Variants in DDR1 observed in about 807,000 individuals in gnomAD.
DDR1 encodes discoidin domain receptor tyrosine kinase 1.
A neutral mutation model predicts 97.4 loss-of-function variants in DDR1; 64 were observed. The ratio of observed to expected loss-of-function variants is 0.66; its 90% CI spans 0.54 to 0.81. DDR1 has a LOEUF of 0.81. Ranked by LOEUF, DDR1 falls within the 30% of genes least tolerant of loss-of-function variation. The pLI, the probability that DDR1 is intolerant of heterozygous loss-of-function variation, is 0.00. For missense variants in DDR1, 990 were observed against 1,259.6 expected (o/e 0.79, Z 3.24); for synonymous variants, 458 against 503.7 (o/e 0.91, Z 1.21).
In DDR1 at chr6:30,899,943, A is replaced by G. The variant is rs544539891; in HGVS notation, c.*647A>G. On this transcript the variant is annotated 3_prime_UTR_variant, in exon 18 of 18. Coordinates refer to ENST00000376568, the MANE Select transcript of DDR1 (RefSeq NM_001297654.2). ...GCCTATACGTTTCTGTGGAGTAAAT[A>G]TTGGGATTGGGGGGAAAGAGGGAGC... The G allele has an allele frequency of 1.3e-5, 7 of 545,940 alleles. No homozygotes were observed. Among genetic ancestry groups the G allele is most frequent in the South Asian group, 7.8e-5 (5 of 64,050 alleles). 33.8% of individuals were successfully genotyped at this position (545,940 alleles called of 1,614,324 possible).
rs555304601 is a variant in DDR1 at position 30,894,050 on chromosome 6, G to C, written c.1348-456G>C. ...GGATCACCTGAGGTCAAGAGTTCGA[G>C]ACCAGCCTGACCAACATGGTGAAAT... On this transcript the variant is annotated intron_variant, in intron 10 of 17. Coordinates refer to ENST00000376568, the MANE Select transcript of DDR1 (RefSeq NM_001297654.2). This position sits in a 1 kb window ranked among gnomAD's most constrained non-coding sequence, Gnocchi z 5.7. 3.9e-5 allele frequency among the ~76,000 whole-genome samples: 6 copies of C among 152,228 alleles called. No individual in the cohort carries two copies. The South Asian group carries it at 1.0e-3, about 26-fold the overall frequency.
In DDR1 at chr6:30,899,582, T is replaced by G; in HGVS notation, c.*286T>G. ...GATCCTCTCCACCCTCCTCTAGCCA[T>G]CCCTTGGGGAAGGGTGGGGAGAAAT... On this transcript the variant is annotated 3_prime_UTR_variant, in exon 18 of 18. Transcript: ENST00000376568. 2.0e-6 allele frequency: 1 copy of G among 508,608 alleles called. No homozygotes were observed. The highest frequency in any genetic ancestry group is 3.0e-5 in the South Asian group (1 of 32,860). 31.5% of individuals were successfully genotyped at this position (508,608 alleles called of 1,614,324 possible).
rs1458033305 is a variant in DDR1 at position 30,891,715 on chromosome 6, AT to A, written c.665+238del. Among the ~76,000 whole-genome samples the A allele has an allele frequency of 6.6e-6, 1 of 152,120 alleles. No homozygotes were observed. Among genetic ancestry groups the A allele is most frequent in the Non-Finnish European group, 1.5e-5 (1 of 68,026 alleles). ...AAAAGGCACCCCTTTGCTAACACAC[AT>A]TGTTGGAAATTGCTGCAATAAATAT... On this transcript the variant is annotated intron_variant, in intron 6 of 17. Coordinates refer to ENST00000376568, the MANE Select transcript of DDR1 (RefSeq NM_001297654.2). The surrounding 1 kb of genome is among the most constrained non-coding windows in gnomAD (Gnocchi z 5.3).
Position 30,899,301 on chromosome 6 carries a change from C to A in DDR1, c.*5C>A, listed in dbSNP as rs1427871866. ...GATGCACTCAACACGGTGTGAATCA[C>A]ACATCCAGCTGCCCCTCCCTCAGGG... On this transcript the variant is annotated 3_prime_UTR_variant, in exon 18 of 18. Coordinates refer to ENST00000376568, the MANE Select transcript of DDR1 (RefSeq NM_001297654.2). The A allele has an allele frequency of 6.2e-7, 1 of 1,602,830 alleles. No individual in the cohort carries two copies. The highest frequency in any genetic ancestry group is 8.5e-7 in the Non-Finnish European group (1 of 1,171,962).
At chr6:30,887,041 T>G (rs1337055564) in intron 1 of DDR1, 3 of 152,218 alleles carry the variant, frequency 2.0e-5, no homozygotes, top group Non-Finnish European at 4.4e-5. Context: ...AGCCTGAGAT[T>G]CTGATTTCTT....
In DDR1 at chr6:30,897,078, G is replaced by T; in HGVS notation, c.1934G>T (p.Arg645Leu). 6 of 1,613,842 alleles carry T rather than the reference G, an allele frequency of 3.7e-6. No homozygotes were observed. The highest frequency in any genetic ancestry group is 5.1e-6 in the Non-Finnish European group (6 of 1,179,896). Residue 645 changes from arginine (R) to leucine (L), a missense_variant, in exon 14 of 18, where the codon CGT (arginine) becomes CTT (leucine). Physicochemically the swap from Arg to Leu is moderately radical, Grantham distance 102. Transcript: ENST00000376568. The surrounding 1 kb of genome is among the most constrained non-coding windows in gnomAD (Gnocchi z 5.2). ...LVSLDFPLNV[R>L]KGHPLLVAVK... ...AGTCTTGATTTCCCCCTTAATGTGC[G>T]TAAGGGACACCCTTTGCTGGTAGCT... is the stretch of plus-strand genomic sequence containing the variant.
In DDR1 at chr6:30,897,087, A is replaced by G; in HGVS notation, c.1943A>G (p.His648Arg). 1.2e-6 allele frequency: 2 copies of G among 1,613,698 alleles called. No individual in the cohort carries two copies. The highest frequency in any genetic ancestry group is 1.7e-6 in the Non-Finnish European group (2 of 1,179,878). ...LDFPLNVRKG[H>R]PLLVAVKILR... ...TTCCCCCTTAATGTGCGTAAGGGACACCCTTTGCTGGTAGCTGTCAAGATC... is the reference window on the plus strand; with the variant it reads ...TTCCCCCTTAATGTGCGTAAGGGACGCCCTTTGCTGGTAGCTGTCAAGATC... Residue 648 changes from histidine (H) to arginine (R), a missense_variant, in exon 14 of 18, where the codon CAC (histidine) becomes CGC (arginine). By Grantham distance (29) the His-to-Arg change is conservative. Transcript: ENST00000376568. The surrounding 1 kb of genome is among the most constrained non-coding windows in gnomAD (Gnocchi z 5.2).
chr6:30,894,669 C>A lies in DDR1; in HGVS notation c.1511C>A (p.Ser504Tyr). Residue 504 changes from serine (S) to tyrosine (Y), a missense_variant and splice_region_variant, in exon 11 of 18, where the codon TCT (serine) becomes TAT (tyrosine). Physicochemically the swap from Ser to Tyr is moderately radical, Grantham distance 144. Transcript: ENST00000376568. The surrounding 1 kb of genome is among the most constrained non-coding windows in gnomAD (Gnocchi z 5.7). ...TCCGCTCCCTGTGTCCCCAATGGCT[C>A]TGGTAAGACCTGCCTTGTTCCAGTC... ...PHSAPCVPNG[S>Y]ALLLSNPAYR... 2 of 1,598,634 alleles carry A rather than the reference C, an allele frequency of 1.3e-6. No homozygotes were observed. Among genetic ancestry groups the A allele is most frequent in the Non-Finnish European group, 1.7e-6 (2 of 1,171,628 alleles).
chr6:30,895,007 C>T (rs114128764), intron 11 of DDR1, among the ~76,000 whole-genome samples: 3,278 of 152,218 alleles, frequency 0.022, 84 homozygotes, highest in African/African-American at 0.062. Context: ...CATCACCCAT[C>T]CTTCCATCCA....
At chr6:30,885,150 A>T in intron 1 of DDR1, 2 of 1,499,966 alleles carry the variant, frequency 1.3e-6, no homozygotes, top group South Asian at 2.4e-5. Context: ...AAAAAGAGGG[A>T]CTGCCACTCT....
At chr6:30,885,330 G>T (rs1356449848) in intron 1 of DDR1, 3 of 1,422,290 alleles carry the variant, frequency 2.1e-6, no homozygotes, top group African/African-American at 1.4e-5. Context: ...GCCCAAGCTC[G>T]CTGGCTGTTG....
In DDR1 at chr6:30,891,567, G is replaced by A. The variant is rs1264321; in HGVS notation, c.665+88G>A. On this transcript the variant is annotated intron_variant, in intron 6 of 17. Coordinates refer to ENST00000376568, the MANE Select transcript of DDR1 (RefSeq NM_001297654.2). The surrounding 1 kb of genome is among the most constrained non-coding windows in gnomAD (Gnocchi z 5.3). The stretch of plus-strand genomic sequence containing the variant: ...TGTGTGTGTGTGTGTGAGAGTGTGT[G>A]TGTGTAGGGGGGCTGGTAAGTAGGG... The A allele has an allele frequency of 0.092, 85,513 of 926,850 alleles. 6,582 individuals carry two copies. The highest frequency in any genetic ancestry group is 0.13 in the Non-Finnish European group (74,858 of 598,338). The allele number at this position is 926,850 out of a possible 1,614,324, so 57.4% of individuals were successfully genotyped here.
chr6:30,891,050 CT>C lies in DDR1; in HGVS notation c.497del (p.Phe166SerfsTer9). The C allele has an allele frequency of 6.2e-7, 1 of 1,613,072 alleles. No individual in the cohort carries two copies. The highest frequency in any genetic ancestry group is 8.5e-7 in the Non-Finnish European group (1 of 1,180,028). On this transcript the variant is annotated frameshift_variant, in exon 5 of 18. Transcript: ENST00000376568. LOFTEE classifies it high-confidence loss of function. The surrounding 1 kb of genome is among the most constrained non-coding windows in gnomAD (Gnocchi z 5.3). ...CCCCCATGGTTGCCCGACTGGTTCG[CT>C]TCTACCCCCGGGCTGACCGGGTCAT... ...GPPMVARLVR[F>X]YPRADRVMSV...
rs750017220 is a variant in DDR1, at chr6:30,890,911, GGGT to G, written c.418-59_418-57del. ...TGGGCTGGGCCAGGGAGCAGCTGGT[GGGT>G]GGGAAGTAAGATCTGACCTGGACTC... On this transcript the variant is annotated intron_variant, in intron 4 of 17. Transcript: ENST00000376568. The surrounding 1 kb of genome is among the most constrained non-coding windows in gnomAD (Gnocchi z 5.0). 13 of 1,517,402 alleles carry G rather than the reference GGGT, an allele frequency of 8.6e-6. 1 individual carries two copies. The South Asian group carries it at 1.6e-4, about 18-fold the overall frequency. 94.0% of individuals were successfully genotyped at this position (1,517,402 alleles called of 1,614,324 possible).
chr6:30,897,324 G>A lies in DDR1; in HGVS notation c.1998-55G>A, dbSNP rs1305405757. Reference sequence around the variant, plus strand: ...TGGGGCAGGGGGGTGGGGGCGCGGGGGAAGGTGCAGGCCGCCCACTCGGCA... The same window carrying A: ...TGGGGCAGGGGGGTGGGGGCGCGGGAGAAGGTGCAGGCCGCCCACTCGGCA... On this transcript the variant is annotated intron_variant, in intron 14 of 17. Coordinates refer to ENST00000376568, the MANE Select transcript of DDR1 (RefSeq NM_001297654.2). The surrounding 1 kb of genome is among the most constrained non-coding windows in gnomAD (Gnocchi z 5.2). 43 of 1,558,108 alleles carry A rather than the reference G, an allele frequency of 2.8e-5. No homozygotes were observed. Among genetic ancestry groups the A allele is most frequent in the Non-Finnish European group, 3.8e-5 (43 of 1,145,176 alleles).
chr6:30,884,713 A>T lies in DDR1; in HGVS notation c.-43+3A>T, dbSNP rs1210689126. 1.3e-5 allele frequency: 2 copies of T among 152,222 alleles called. No homozygotes were observed. Among genetic ancestry groups the T allele is most frequent in the African/African-American group, 4.9e-5 (2 of 41,224 alleles). The allele number at this position is 152,222 out of a possible 1,614,324, so 9.4% of individuals were successfully genotyped here. On this transcript the variant is annotated splice_donor_region_variant and intron_variant, in intron 1 of 17. Transcript: ENST00000376568. This position sits in a 1 kb window ranked among gnomAD's most constrained non-coding sequence, Gnocchi z 6.1. Reference sequence around the variant, plus strand: ...TCTGCCGGGAAGAGCGATGAGAGGTAGGGAGAGCGGCGGCGGAACCCGCGG... The same window carrying T: ...TCTGCCGGGAAGAGCGATGAGAGGTTGGGAGAGCGGCGGCGGAACCCGCGG...
At position 30,892,105 on chromosome 6, in the gene DDR1, G is replaced by T; in HGVS notation, c.769G>T (p.Gly257Ter). 1.2e-6 allele frequency: 2 copies of T among 1,614,184 alleles called. No individual in the cohort carries two copies. Among genetic ancestry groups the T allele is most frequent in the Non-Finnish European group, 1.7e-6 (2 of 1,180,018 alleles). ...GGTCTGGCCAGGCTATGACTATGTG[G>T]GATGGAGCAACCACAGCTTCTCCAG... ...LRVWPGYDYV[G>*]WSNHSFSSGY... is the part of the protein sequence containing the mutation. The change falls in exon 7 of 18, where the codon GGA becomes TGA. Residue 257 changes from glycine (G) to a stop codon, truncating the protein, a stop_gained. Coordinates refer to ENST00000376568, the MANE Select transcript of DDR1 (RefSeq NM_001297654.2). LOFTEE classifies it high-confidence loss of function.
rs773885051 is a variant in DDR1, at chr6:30,899,211, G to A, written c.2657G>A (p.Arg886Gln). 28 of 1,614,072 alleles carry A rather than the reference G, an allele frequency of 1.7e-5. No homozygotes were observed. Among genetic ancestry groups the A allele is most frequent in the Non-Finnish European group, 2.1e-5 (25 of 1,180,030 alleles). The stretch of plus-strand genomic sequence containing the variant: ...CAGGGCCTATATGAGCTGATGCTTC[G>A]GTGCTGGAGCCGGGAGTCTGAGCAG... Reference protein sequence around the residue: ...CPQGLYELMLRCWSRESEQRP... With the variant: ...CPQGLYELMLQCWSRESEQRP... The change falls in exon 18 of 18, where the codon CGG becomes CAG. Residue 886 changes from arginine (R) to glutamine (Q), a missense_variant. Transcript: ENST00000376568.
In DDR1 at chr6:30,895,460, C is replaced by T; in HGVS notation, c.1570C>T (p.Pro524Ser). 1 of 1,608,404 alleles carries T rather than the reference C, an allele frequency of 6.2e-7. No homozygotes were observed. The highest frequency in any genetic ancestry group is 8.5e-7 in the Non-Finnish European group (1 of 1,179,146). Reference protein sequence around the residue: ...RLLLATYARPPRGPGPPTPAW... With the variant: ...RLLLATYARPSRGPGPPTPAW... ...CCTTCTGGCCACTTACGCCCGTCCC[C>T]CTCGAGGCCCGGGCCCCCCCACACC... The change falls in exon 12 of 18, where the codon CCT (proline) becomes TCT (serine). Residue 524 changes from proline to serine, a missense_variant. Transcript: ENST00000376568.
Sources: gnomAD v4.1 joint callset for allele counts (sites outside exome capture counted in the v4.1 genomes callset) on GRCh38, gnomAD v4.1.1 for gene constraint, Gnocchi (gnomAD v3.1) non-coding constraint, MANE v1.5 for transcripts, NCBI Gene and HGNC (gene_info 2026-07-23, HGNC 2026-07-21) for gene names.